DAP: variants seen among roughly 807,000 people sequenced by gnomAD.
The protein encoded by DAP is death associated protein.
DAP carries 8 observed loss-of-function variants against 13.8 expected under a neutral mutation model. The observed-to-expected ratio is 0.58, with a 90% CI of 0.34 to 1.05. The LOEUF (loss-of-function observed/expected upper bound fraction) is 1.05. Ranked by LOEUF, DAP falls within the 50% of genes least tolerant of loss-of-function variation. The probability of loss-of-function intolerance (pLI) is 0.03; values close to 1 mark genes in which losing one functional copy is unlikely to be tolerated. For synonymous variants in DAP, 47 were observed against 47.5 expected, an observed-to-expected ratio of 0.99 and a Z score of 0.04; for missense variants, 106 against 133.2, an observed-to-expected ratio of 0.80 and a Z score of 1.01.
intron 2 of DAP, among the ~76,000 whole-genome samples, chr5:10,700,853 A>C (rs1041931685): frequency 6.6e-6 from 1 of 152,240 alleles, no homozygotes; most frequent in African/African-American, 2.4e-5. Context: ...TATAGGTAAG[A>C]TGGCCCTACT....
rs41271095 is a variant in DAP, at chr5:10,683,353, G to A, written c.195+176C>T. 7.2e-3 allele frequency: 5,286 copies of A among 738,000 alleles called. 41 individuals carry two copies. Among genetic ancestry groups the A allele is most frequent in the Non-Finnish European group, 0.01 (4,269 of 414,646 alleles). The allele number at this position is 738,000 out of a possible 1,614,324, so 45.7% of individuals were successfully genotyped here. Reference sequence around the variant, plus strand: ...GGTAAAGGATGCGAGTCTGGCCTGCGGTCTGCAGAAGCAGCCTCTGGGGAA... The same window carrying A: ...GGTAAAGGATGCGAGTCTGGCCTGCAGTCTGCAGAAGCAGCCTCTGGGGAA... On this transcript the variant is annotated intron_variant, in intron 3 of 3. Coordinates refer to ENST00000230895, the MANE Select transcript of DAP (RefSeq NM_004394.3).
chr5:10,737,771 C>CA (rs1007731590), intron 2 of DAP, among the ~76,000 whole-genome samples: 1 of 152,122 alleles, frequency 6.6e-6, no homozygotes, highest in African/African-American at 2.4e-5. Flanking sequence ...TTGTGTCCTC[C>CA]AAAAAAGGCA....
At chr5:10,695,538 G>A (rs530490972) in intron 2 of DAP, among the ~76,000 whole-genome samples, 1 of 152,380 alleles carries the variant, frequency 6.6e-6, no homozygotes, top group Non-Finnish European at 1.5e-5. Context: ...TTTTCTAGGT[G>A]AGAATGCTTG....
chr5:10,692,695 T>C (rs764512303), intron 2 of DAP, among the ~76,000 whole-genome samples: 10 of 152,158 alleles, frequency 6.6e-5, no homozygotes, highest in Non-Finnish European at 4.4e-5. Flanking sequence ...ACACCCCACA[T>C]GTACCTACTC....
intron 2 of DAP, among the ~76,000 whole-genome samples, chr5:10,728,847 G>C (rs901851600): frequency 1.6e-4 from 24 of 152,274 alleles, no homozygotes; most frequent in Non-Finnish European, 3.1e-4. Context: ...GAGGCAGGGG[G>C]AGAGGGCCAG....
chr5:10,749,189 C>T (rs1739984040), intron 1 of DAP, among the ~76,000 whole-genome samples: 1 of 152,248 alleles, frequency 6.6e-6, no homozygotes, highest in South Asian at 2.1e-4. Context: ...GGATGTATCA[C>T]ATTGTATCTC....
intron 2 of DAP, among the ~76,000 whole-genome samples, chr5:10,709,762 C>T (rs895376272): frequency 7.2e-5 from 11 of 152,148 alleles, no homozygotes; most frequent in Non-Finnish European, 8.8e-5. Flanking sequence ...ATTGAAAATG[C>T]GGGCAATGGA....
At chr5:10,760,029 A>G (rs937872956) in intron 1 of DAP, among the ~76,000 whole-genome samples, 3 of 152,114 alleles carry the variant, frequency 2.0e-5, no homozygotes, top group African/African-American at 2.4e-5. Context: ...TGCTGGGGTT[A>G]CAGGCATGAG....
intron 2 of DAP, among the ~76,000 whole-genome samples, chr5:10,701,845 G>A (rs2126645727): frequency 6.6e-6 from 1 of 152,286 alleles, no homozygotes; most frequent in South Asian, 2.1e-4. Context: ...GTCACTCCAA[G>A]CTGAGACACA....
chr5:10,760,904 C>G, intron 1 of DAP, 110 bp downstream of exon 1: 1 of 689,868 alleles, frequency 1.4e-6, no homozygotes, highest in Non-Finnish European at 2.0e-6. Context: ...AGGCCCGGAA[C>G]CCGTCTCAGC....
intron 2 of DAP, among the ~76,000 whole-genome samples, chr5:10,708,681 G>C (rs1738766184): frequency 6.6e-6 from 1 of 152,272 alleles, no homozygotes; most frequent in East Asian, 1.9e-4. Flanking sequence ...ACTTTTCTTT[G>C]TCATCGTAAG....
At chr5:10,689,542 G>T (rs1561007478) in intron 2 of DAP, among the ~76,000 whole-genome samples, 1 of 152,230 alleles carries the variant, frequency 6.6e-6, no homozygotes, top group Non-Finnish European at 1.5e-5. Context: ...GAGCTTTAGT[G>T]GCTTGGTGGA....
At chr5:10,697,436 G>T (rs1354109306) in intron 2 of DAP, among the ~76,000 whole-genome samples, 1 of 152,170 alleles carries the variant, frequency 6.6e-6, no homozygotes, top group African/African-American at 2.4e-5. Flanking sequence ...TTCTGAACAC[G>T]TCCACGCTTT....
intron 2 of DAP, among the ~76,000 whole-genome samples, chr5:10,698,282 C>CAAAA (rs71613386): frequency 0.017 from 705 of 42,528 alleles, 13 homozygotes; most frequent in Middle Eastern, 0.023. Flanking sequence ...CCAGACTTAG[C>CAAAA]AAAAAAAAAA....
At position 10,736,039 on chromosome 5, in the gene DAP, A is replaced by C. The variant is rs372553483; in HGVS notation, c.152+12136T>G. ...GCAATAGGACAGGTGTCTTTATAAA[A>C]AGGGGAAGTTTGGTCACAGACAGGC... On this transcript the variant is annotated intron_variant, in intron 2 of 3. Coordinates refer to ENST00000230895, the MANE Select transcript of DAP (RefSeq NM_004394.3). 8.5e-5 allele frequency among the ~76,000 whole-genome samples: 13 copies of C among 152,306 alleles called. No homozygotes were observed. The East Asian group carries it at 1.4e-3, about 16-fold the overall frequency.
chr5:10,745,573 TTTAA>T (rs1739878885), intron 2 of DAP, among the ~76,000 whole-genome samples: 1 of 152,222 alleles, frequency 6.6e-6, no homozygotes, highest in Non-Finnish European at 1.5e-5. Flanking sequence ...GGCATATTTA[TTTAA>T]ATTGATCATC....
chr5:10,702,911 G>A (rs1407088897), intron 2 of DAP, among the ~76,000 whole-genome samples: 2 of 152,330 alleles, frequency 1.3e-5, no homozygotes, highest in Middle Eastern at 3.4e-3. Flanking sequence ...AAAAGGGACA[G>A]TAACATGCAG....
chr5:10,713,331 C>T (rs1045947909), intron 2 of DAP, among the ~76,000 whole-genome samples: 1 of 152,166 alleles, frequency 6.6e-6, no homozygotes. Flanking sequence ...GCAGTCAGAG[C>T]AGTTCCTTGT....
intron 2 of DAP, among the ~76,000 whole-genome samples, chr5:10,709,819 C>T (rs1018425441): frequency 1.3e-5 from 2 of 152,236 alleles, no homozygotes; most frequent in African/African-American, 2.4e-5. Context: ...AGGGAATACC[C>T]CCAAAGGGAA....
Sources: allele counts gnomAD v4.1 joint callset (sites outside exome capture counted in the v4.1 genomes callset), GRCh38; gene constraint gnomAD v4.1.1; transcripts MANE v1.5; gene names NCBI Gene and HGNC (gene_info 2026-07-23, HGNC 2026-07-21).